CLCA4: variants seen among roughly 807,000 people sequenced by gnomAD.
CLCA4 encodes chloride channel accessory 4, also known as calcium-activated chloride channel regulator 4.
In CLCA4, 69 loss-of-function variants were observed where a neutral mutation model predicts 78.9. The ratio of observed to expected loss-of-function variants is 0.87; its 90% CI spans 0.72 to 1.07. The LOEUF is 1.07. CLCA4 is among the 50% of genes least tolerant of loss of function. The pLI is 0.00. For missense variants in CLCA4, 1,133 were observed against 1,095.8 expected (o/e 1.03, Z -0.48); for synonymous variants, 362 against 375.8 (o/e 0.96, Z 0.42).
At chr1:86,558,912 C>T (rs1370496106) in intron 1 of CLCA4, among the ~76,000 whole-genome samples, 2 of 152,154 alleles carry the variant, frequency 1.3e-5, no homozygotes, top group Non-Finnish European at 2.9e-5. Flanking sequence ...GAGAGGTCCA[C>T]TGTTAGCCTG....
At chr1:86,567,341 AATTCTGTCC>A (rs1650227606) in intron 6 of CLCA4, 74 bp from the exon 7 acceptor site, 1 of 1,136,602 alleles carries the variant, frequency 8.8e-7, no homozygotes, top group South Asian at 1.6e-5. Context: ...GTTACCAATA[AATTCTGTCC>A]ATTCATTTTA....
chr1:86,560,359 G>T lies in CLCA4; in HGVS notation c.448+1G>T, dbSNP rs757987690. The T allele has an allele frequency of 1.2e-6, 2 of 1,613,228 alleles. No individual in the cohort carries two copies. The highest frequency in any genetic ancestry group is 2.2e-5 in the South Asian group (2 of 90,944). On this transcript the variant is annotated splice_donor_variant, in intron 3 of 13. Coordinates refer to ENST00000370563, the MANE Select transcript of CLCA4 (RefSeq NM_012128.4). LOFTEE classifies it high-confidence loss of function. Reference sequence around the variant, plus strand: ...AAACAAAATGAATATGGACCACCAGGTAGAAATTTTGGTTAAAAAATAATT... The same window carrying T: ...AAACAAAATGAATATGGACCACCAGTTAGAAATTTTGGTTAAAAAATAATT...
intron 9 of CLCA4, among the ~76,000 whole-genome samples, chr1:86,573,503 C>T (rs919608928): frequency 2.0e-5 from 3 of 151,334 alleles, no homozygotes; most frequent in African/African-American, 7.3e-5. Context: ...TCCAGCTCAT[C>T]AGCTCACTGC....
At position 86,580,227 on chromosome 1, in the gene CLCA4, C is replaced by CTACTCA. The variant is rs1274850100; in HGVS notation, c.2647_2648insATACTC (p.Thr882_Pro883insHisThr). 1 of 1,610,944 alleles carries CTACTCA rather than the reference C, an allele frequency of 6.2e-7. No individual in the cohort carries two copies. On this transcript the variant is annotated inframe_insertion, in exon 14 of 14. Coordinates refer to ENST00000370563, the MANE Select transcript of CLCA4 (RefSeq NM_012128.4). Reference sequence around the variant, plus strand: ...GATGACATTGATCCTACACCTACTCCTACTCCTACTCCTACTCCTGATAAA... The same window carrying CTACTCA: ...GATGACATTGATCCTACACCTACTCCTACTCATACTCCTACTCCTACTCCTGATAAA...
At chr1:86,577,871 C>T in intron 11 of CLCA4, 31 bp from the exon 12 acceptor site, 1 of 1,588,706 alleles carries the variant, frequency 6.3e-7, no homozygotes, top group Non-Finnish European at 8.6e-7. Context: ...TTTCTCTTTA[C>T]AAGACTTTAT....
Position 86,565,289 on chromosome 1 carries a change from C to T in CLCA4, c.573C>T (p.Ile191=), listed in dbSNP as rs781530679. ...ATATTTTCAGGTGTTCCGCAGGTAT[C>T]TCTGGTAGAAATAGAGTTTATAAGT... ...KIEATRCSAG[I]SGRNRVYKCQ... is the part of the protein sequence containing the mutation. The change falls in exon 5 of 14, where the codon ATC becomes ATT. Residue 191 remains isoleucine, a synonymous_variant. Coordinates refer to ENST00000370563, the MANE Select transcript of CLCA4 (RefSeq NM_012128.4). 1 of 1,595,644 alleles carries T rather than the reference C, an allele frequency of 6.3e-7. No individual in the cohort carries two copies. The highest frequency in any genetic ancestry group is 8.5e-7 in the Non-Finnish European group (1 of 1,173,128).
At chr1:86,555,085 T>C (rs1385454732) in intron 1 of CLCA4, among the ~76,000 whole-genome samples, 4 of 152,198 alleles carry the variant, frequency 2.6e-5, no homozygotes, top group African/African-American at 9.7e-5. Context: ...TTGTTTACAT[T>C]CCTTTTAAAT....
intron 7 of CLCA4, among the ~76,000 whole-genome samples, chr1:86,568,839 T>C (rs1041594356): frequency 1.3e-5 from 2 of 151,988 alleles, no homozygotes; most frequent in African/African-American, 4.8e-5. Flanking sequence ...CCCAACCCAA[T>C]TGCATCTATC....
At chr1:86,550,741 C>CA (rs1324936071) in intron 1 of CLCA4, among the ~76,000 whole-genome samples, 10 of 147,696 alleles carry the variant, frequency 6.8e-5, no homozygotes, top group African/African-American at 2.5e-4. Flanking sequence ...GACTCTGTCT[C>CA]AAAAAAATAA....
intron 12 of CLCA4, 58 bp from the exon 13 acceptor site, chr1:86,579,296 G>A: frequency 1.6e-6 from 2 of 1,259,954 alleles, no homozygotes; most frequent in Non-Finnish European, 2.3e-6. Context: ...GTGATTCACT[G>A]AATTATAATA....
intron 7 of CLCA4, among the ~76,000 whole-genome samples, chr1:86,570,044 T>C (rs995552812): frequency 6.6e-6 from 1 of 152,036 alleles, no homozygotes; most frequent in African/African-American, 2.4e-5. Flanking sequence ...CCGTTCGGTT[T>C]CAAGGCATGT....
At chr1:86,548,400 G>T (rs1649559240) in intron 1 of CLCA4, among the ~76,000 whole-genome samples, 1 of 151,996 alleles carries the variant, frequency 6.6e-6, no homozygotes, top group South Asian at 2.1e-4. Context: ...TGGGATGTCA[G>T]CCAGGCACGG....
chr1:86,580,319 A>C lies in CLCA4; in HGVS notation c.2734A>C (p.Asn912His). 1.3e-6 allele frequency: 2 copies of C among 1,595,298 alleles called. No individual in the cohort carries two copies. Among genetic ancestry groups the C allele is most frequent in the South Asian group, 1.2e-5 (1 of 86,620 alleles). Residue 912 changes from asparagine (N) to histidine (H), a missense_variant, in exon 14 of 14, where the codon AAC becomes CAC. Asn to His is a moderately conservative substitution (Grantham distance 68). Transcript: ENST00000370563. Reference protein sequence around the residue: ...LSVIGSVVIVNFILSTTI With the variant: ...LSVIGSVVIVHFILSTTI ...TGTGATTGGGTCTGTTGTAATTGTTAACTTTATTTTAAGTACCACCATTTG... is the reference window on the plus strand; with the variant it reads ...TGTGATTGGGTCTGTTGTAATTGTTCACTTTATTTTAAGTACCACCATTTG...
In CLCA4 at chr1:86,580,350, T is replaced by G; in HGVS notation, c.*5T>G. The G allele has an allele frequency of 6.4e-7, 1 of 1,553,276 alleles. No individual in the cohort carries two copies. Among genetic ancestry groups the G allele is most frequent in the Admixed American group, 2.1e-5 (1 of 47,950 alleles). On this transcript the variant is annotated 3_prime_UTR_variant, in exon 14 of 14. Coordinates refer to ENST00000370563, the MANE Select transcript of CLCA4 (RefSeq NM_012128.4). ...ATTTTAAGTACCACCATTTGAACCTTAACGAAGAAAAAAATCTTCAAGTAG... is the reference window on the plus strand; with the variant it reads ...ATTTTAAGTACCACCATTTGAACCTGAACGAAGAAAAAAATCTTCAAGTAG...
At chr1:86,561,695 C>G (rs1650023692) in intron 3 of CLCA4, among the ~76,000 whole-genome samples, 1 of 152,122 alleles carries the variant, frequency 6.6e-6, no homozygotes, top group Non-Finnish European at 1.5e-5. Context: ...ACCACCTACA[C>G]CTTCTCTACC....
chr1:86,578,658 A>T (rs1338937702), intron 12 of CLCA4, among the ~76,000 whole-genome samples: 6 of 152,062 alleles, frequency 3.9e-5, no homozygotes, highest in Non-Finnish European at 7.4e-5. Flanking sequence ...ATCAGTTATT[A>T]TTATGTTAGT....
chr1:86,571,752 C>T (rs1330598590), intron 8 of CLCA4, among the ~76,000 whole-genome samples: 1 of 152,024 alleles, frequency 6.6e-6, no homozygotes, highest in African/African-American at 2.4e-5. Context: ...ATGTGATTAA[C>T]AGAAGCTCAG....
chr1:86,565,179 C>G, intron 4 of CLCA4, 95 bp from the exon 5 acceptor site: 1 of 791,130 alleles, frequency 1.3e-6, no homozygotes, highest in Admixed American at 2.8e-5. Flanking sequence ...GAATAAACAT[C>G]TTGATATAAA....
Position 86,565,319 on chromosome 1 carries a change from A to G in CLCA4, c.603A>G (p.Gln201=). Residue 201 remains glutamine (Q), a synonymous_variant, in exon 5 of 14, where the codon CAA becomes CAG. Transcript: ENST00000370563. ...GTAGAAATAGAGTTTATAAGTGTCA[A>G]GGAGGCAGCTGTCTTAGTAGAGCAT... ...ISGRNRVYKC[Q]GGSCLSRACR... is the part of the protein sequence containing the mutation. The G allele has an allele frequency of 6.2e-7, 1 of 1,609,638 alleles. No homozygotes were observed. Among genetic ancestry groups the G allele is most frequent in the Non-Finnish European group, 8.5e-7 (1 of 1,177,770 alleles).
Sources: allele counts gnomAD v4.1 joint callset (sites outside exome capture counted in the v4.1 genomes callset), GRCh38; gene constraint gnomAD v4.1.1; transcripts MANE v1.5; gene names NCBI Gene and HGNC (gene_info 2026-07-23, HGNC 2026-07-21).